The following CD200R1 variants were observed in gnomAD, a reference collection of about 807,000 sequenced individuals.
The protein encoded by CD200R1 is cell surface glycoprotein CD200 receptor 1.
Under a neutral mutation model 38.1 loss-of-function variants are expected in CD200R1, and 30 were observed. The ratio of observed to expected loss-of-function variants is 0.79; its 90% CI spans 0.59 to 1.07. The LOEUF (loss-of-function observed/expected upper bound fraction) is 1.07, where lower values mean the gene tolerates loss of function less well. Ranked by LOEUF, CD200R1 falls within the 50% of genes least tolerant of loss-of-function variation. The probability of loss-of-function intolerance (pLI) is 0.00; values close to 1 mark genes in which losing one functional copy is unlikely to be tolerated. For synonymous variants in CD200R1, 128 were observed against 152.1 expected, an observed-to-expected ratio of 0.84 and a Z score of 1.16; for missense variants, 372 against 415.4, an observed-to-expected ratio of 0.90 and a Z score of 0.91.
chr3:112,974,611 C>A (rs569344220), intron 1 of CD200R1, among the ~76,000 whole-genome samples, 180 bp downstream of exon 1: 134 of 152,094 alleles, frequency 8.8e-4, no homozygotes, highest in African/African-American at 3.0e-3. Context: ...GTACAACAAG[C>A]AAGACACCGG....
chr3:112,974,343 G>A (rs908148946), intron 1 of CD200R1, among the ~76,000 whole-genome samples: 2 of 152,082 alleles, frequency 1.3e-5, no homozygotes, highest in African/African-American at 4.8e-5. Context: ...AGGCTGAGTG[G>A]GAGGACTGCT....
chr3:112,966,611 CA>C (rs1933170060), intron 1 of CD200R1, among the ~76,000 whole-genome samples: 1 of 151,826 alleles, frequency 6.6e-6, no homozygotes, highest in Non-Finnish European at 1.5e-5. Context: ...GGTAAGGTAA[CA>C]AAATGGCAGA....
At chr3:112,952,995 T>G (rs1474463115) in intron 1 of CD200R1, among the ~76,000 whole-genome samples, 1 of 152,188 alleles carries the variant, frequency 6.6e-6, no homozygotes, top group African/African-American at 2.4e-5. Flanking sequence ...CAGTACCATG[T>G]TGAATACAAG....
At chr3:112,944,904 T>C (rs1449587892) in intron 2 of CD200R1, among the ~76,000 whole-genome samples, 1 of 152,150 alleles carries the variant, frequency 6.6e-6, no homozygotes, top group Non-Finnish European at 1.5e-5. Context: ...AATGTTTGTA[T>C]GACAATTTCC....
chr3:112,933,801 AAG>A (rs1363965619), intron 2 of CD200R1, among the ~76,000 whole-genome samples: 7 of 152,146 alleles, frequency 4.6e-5, no homozygotes, highest in African/African-American at 1.4e-4. Flanking sequence ...ATCATAAAAA[AAG>A]AGATTTTAGA....
chr3:112,931,651 G>C (rs1159345494), intron 2 of CD200R1, among the ~76,000 whole-genome samples: 3 of 152,140 alleles, frequency 2.0e-5, no homozygotes, highest in African/African-American at 7.2e-5. Context: ...CATCTCTGTT[G>C]CTTTCTCATT....
chr3:112,928,408 A>T (rs370171560), intron 5 of CD200R1, among the ~76,000 whole-genome samples: 1 of 152,230 alleles, frequency 6.6e-6, no homozygotes, highest in Non-Finnish European at 1.5e-5. Flanking sequence ...AAGAAATTCA[A>T]TGATGAAAAG....
intron 1 of CD200R1, among the ~76,000 whole-genome samples, chr3:112,948,401 C>T (rs901262501): frequency 2.6e-5 from 4 of 152,086 alleles, no homozygotes; most frequent in African/African-American, 9.7e-5. Flanking sequence ...GGACCCATTT[C>T]GAGGAAGATA....
Position 112,925,285 on chromosome 3 carries a change from A to G in CD200R1, c.770-92T>C, listed in dbSNP as rs931749778. On this transcript the variant is annotated intron_variant, in intron 5 of 7. Transcript: ENST00000308611. ...ATGTTAAAAAGAAATGAGCTATCAA[A>G]CCATAAAAAGACATAGAGGAATTTC... is the stretch of plus-strand genomic sequence containing the variant. The G allele has an allele frequency of 1.8e-5, 12 of 657,402 alleles. No individual in the cohort carries two copies. The African/African-American group carries it at 2.3e-4, about 12-fold the overall frequency. The allele number at this position is 657,402 out of a possible 1,614,324, so 40.7% of individuals were successfully genotyped here.
intron 1 of CD200R1, among the ~76,000 whole-genome samples, chr3:112,961,948 T>G (rs141971471): frequency 1.3e-5 from 2 of 152,118 alleles, no homozygotes; most frequent in East Asian, 3.9e-4. Context: ...AAATAAAACA[T>G]ACAGATGGGT....
intron 1 of CD200R1, among the ~76,000 whole-genome samples, chr3:112,959,361 G>A (rs560746570): frequency 6.6e-6 from 1 of 152,166 alleles, no homozygotes; most frequent in Admixed American, 6.5e-5. Context: ...TCAACTTGGG[G>A]CAAAACTGTG....
intron 1 of CD200R1, among the ~76,000 whole-genome samples, chr3:112,964,008 G>A (rs1933090123): frequency 1.3e-5 from 2 of 152,328 alleles, no homozygotes; most frequent in South Asian, 4.1e-4. Flanking sequence ...TGGCTTCAGA[G>A]GGTGCAAGCC....
At position 112,971,708 on chromosome 3, in the gene CD200R1, C is replaced by A. The variant is rs1206506420; in HGVS notation, c.67+3083G>T. 3.3e-5 allele frequency among the ~76,000 whole-genome samples: 5 copies of A among 152,284 alleles called. No individual in the cohort carries two copies. The East Asian group carries it at 7.7e-4, about 23-fold the overall frequency. On this transcript the variant is annotated intron_variant, in intron 1 of 7. Transcript: ENST00000308611. ...TCCTCATTGTCTACTGACTAATACC[C>A]AGGTTCTTTAATTTAGCTATTAAGG...
chr3:112,958,272 A>G (rs1013649607), intron 1 of CD200R1, among the ~76,000 whole-genome samples: 9 of 152,208 alleles, frequency 5.9e-5, no homozygotes, highest in Non-Finnish European at 1.2e-4. Context: ...AGTTAAATCA[A>G]TCAATTATCC....
At position 112,931,182 on chromosome 3, in the gene CD200R1, T is replaced by A. The variant is rs749977555; in HGVS notation, c.137-11A>T. 1 of 1,544,032 alleles carries A rather than the reference T, an allele frequency of 6.5e-7. No individual in the cohort carries two copies. The highest frequency in any genetic ancestry group is 1.1e-5 in the South Asian group (1 of 89,630). On this transcript the variant is annotated splice_polypyrimidine_tract_variant and intron_variant, in intron 2 of 7. Transcript: ENST00000308611. ...ATAAACTGCTTGAAGCTAGAAAATA[T>A]TTAGAGAAGAATAAATGAAATCAAT...
intron 5 of CD200R1, among the ~76,000 whole-genome samples, chr3:112,926,668 A>C (rs1438315326): frequency 6.6e-6 from 1 of 152,154 alleles, no homozygotes; most frequent in Non-Finnish European, 1.5e-5. Context: ...ACTCAAAAAA[A>C]CCTACACATA....
At chr3:112,939,706 C>A (rs560074471) in intron 2 of CD200R1, among the ~76,000 whole-genome samples, 103 of 151,498 alleles carry the variant, frequency 6.8e-4, no homozygotes, top group African/African-American at 2.5e-3. Flanking sequence ...GTTAAAATGC[C>A]CATACTACCC....
rs745394323 is a variant in CD200R1 at position 112,928,779 on chromosome 3, G to GA, written c.769+36dup. On this transcript the variant is annotated intron_variant, in intron 5 of 7. Coordinates refer to ENST00000308611, the MANE Select transcript of CD200R1 (RefSeq NM_138806.4). ...TTTTCTTAACTCTTTTAAAAGAATGGAAAAAAATAAAAAATAAAACTAAAA... is the reference window on the plus strand; with the variant it reads ...TTTTCTTAACTCTTTTAAAAGAATGGAAAAAAAATAAAAAATAAAACTAAAA... 10 of 1,503,720 alleles carry GA rather than the reference G, an allele frequency of 6.7e-6. No homozygotes were observed. In the East Asian group the frequency reaches 7.0e-5, roughly 11 times the overall value. 93.1% of individuals were successfully genotyped at this position (1,503,720 alleles called of 1,614,324 possible).
At chr3:112,966,493 C>A (rs1284514193) in intron 1 of CD200R1, among the ~76,000 whole-genome samples, 1 of 151,864 alleles carries the variant, frequency 6.6e-6, no homozygotes, top group African/African-American at 2.4e-5. Context: ...AAACATTTAC[C>A]ATTTGGACAT....
Sources: gnomAD v4.1 joint callset for allele counts (sites outside exome capture counted in the v4.1 genomes callset) on GRCh38, gnomAD v4.1.1 for gene constraint, MANE v1.5 for transcripts, NCBI Gene and HGNC (gene_info 2026-07-23, HGNC 2026-07-21) for gene names.